RBL1: variants seen among roughly 807,000 people sequenced by gnomAD.
RBL1 encodes retinoblastoma-like protein 1.
In RBL1, 82 loss-of-function variants were observed where a neutral mutation model predicts 123.0. The ratio of observed to expected loss-of-function variants is 0.67; its 90% CI spans 0.56 to 0.80. RBL1 has a LOEUF of 0.80. Ranked by LOEUF, RBL1 falls within the 30% of genes least tolerant of loss-of-function variation. The pLI is 0.00. For missense variants in RBL1, 1,171 were observed against 1,299.6 expected (o/e 0.90, Z 1.52); for synonymous variants, 405 against 441.3 (o/e 0.92, Z 1.03).
intron 2 of RBL1, among the ~76,000 whole-genome samples, chr20:37,074,164 G>C (rs181862715): frequency 6.6e-6 from 1 of 151,962 alleles, no homozygotes; most frequent in Non-Finnish European, 1.5e-5. Flanking sequence ...TGTAATGCCA[G>C]CACTTTGGGA....
intron 21 of RBL1, among the ~76,000 whole-genome samples, chr20:36,999,667 T>A (rs904047339): frequency 1.1e-4 from 17 of 151,902 alleles, no homozygotes; most frequent in Middle Eastern, 3.4e-3. Flanking sequence ...GGTTTTCGTA[T>A]TTTTTTGGTG....
chr20:37,038,365 G>A (rs1184093113), intron 14 of RBL1, among the ~76,000 whole-genome samples: 1 of 146,656 alleles, frequency 6.8e-6, no homozygotes, highest in African/African-American at 2.5e-5. Flanking sequence ...GCAATGGCAC[G>A]ATCTTTGCTC....
At chr20:37,055,009 T>G (rs1451500570) in intron 11 of RBL1, among the ~76,000 whole-genome samples, 1 of 152,122 alleles carries the variant, frequency 6.6e-6, no homozygotes, top group East Asian at 1.9e-4. Flanking sequence ...GCAGCATCCT[T>G]AAGACATCAA....
intron 11 of RBL1, among the ~76,000 whole-genome samples, chr20:37,050,123 C>A (rs554023025): frequency 6.7e-6 from 1 of 149,762 alleles, no homozygotes; most frequent in Non-Finnish European, 1.5e-5. Flanking sequence ...GAAACAGAGA[C>A]GAAGCAGTCA....
At chr20:37,051,814 TA>T (rs2064918703) in intron 11 of RBL1, among the ~76,000 whole-genome samples, 2 of 150,976 alleles carry the variant, frequency 1.3e-5, no homozygotes, top group South Asian at 4.2e-4. Flanking sequence ...ATTTACTAAT[TA>T]AATGACAGAG....
chr20:37,004,241 C>T (rs2064034462), intron 20 of RBL1, among the ~76,000 whole-genome samples: 2 of 151,430 alleles, frequency 1.3e-5, no homozygotes, highest in Non-Finnish European at 2.9e-5. Context: ...AGGCATGTGC[C>T]ACCACGCCCG....
At chr20:37,081,873 TGAGAG>T in intron 2 of RBL1, 1 of 373,546 alleles carries the variant, frequency 2.7e-6, no homozygotes, top group Non-Finnish European at 5.3e-6. Flanking sequence ...ATTTGAAATC[TGAGAG>T]GAGACTCACC....
At chr20:37,001,511 TG>T (rs2063980139) in intron 21 of RBL1, among the ~76,000 whole-genome samples, 1 of 151,788 alleles carries the variant, frequency 6.6e-6, no homozygotes, top group African/African-American at 2.4e-5. Flanking sequence ...CAGGGTTGAA[TG>T]GATTAAGGGT....
intron 7 of RBL1, 117 bp downstream of exon 7, chr20:37,065,307 A>G: frequency 1.5e-6 from 1 of 671,940 alleles, no homozygotes; most frequent in Non-Finnish European, 2.5e-6. Context: ...ACTAAAGCAG[A>G]GAGAACTTGA....
chr20:37,062,415 G>A (rs927749360), intron 7 of RBL1, 145 bp from the exon 8 acceptor site: 3 of 1,371,054 alleles, frequency 2.2e-6, no homozygotes, highest in Non-Finnish European at 2.9e-6. Flanking sequence ...ATATCAGAGG[G>A]TCCTACCTGA....
intron 2 of RBL1, among the ~76,000 whole-genome samples, chr20:37,072,392 C>CGGGAGGTGGAAGTTGCG (rs374934713): frequency 6.4e-4 from 98 of 152,076 alleles, no homozygotes; most frequent in East Asian, 3.5e-3. Flanking sequence ...TGCTTGAACC[C>CGGGAGGTGGAAGTTGCG]GGGAGGTGGA....
Position 37,037,986 on chromosome 20 carries a change from TTG to T in RBL1, c.1903+2165_1903+2166del, listed in dbSNP as rs2064650458. On this transcript the variant is annotated intron_variant, in intron 14 of 21. Transcript: ENST00000373664. ...GGGTGTAAGCCACTGCGCCCGGCCA[TTG>T]TTTTTTTTTTTTTTTTTTTTTTGAG... 2.2e-5 allele frequency among the ~76,000 whole-genome samples: 3 copies of T among 134,882 alleles called. No individual in the cohort carries two copies. The South Asian group carries it at 6.9e-4, about 31-fold the overall frequency. The allele number at this position is 134,882 out of a possible 152,430, so 88.5% of individuals were successfully genotyped here.
chr20:37,094,779 G>GA (rs1323736917), intron 1 of RBL1, among the ~76,000 whole-genome samples: 1 of 152,174 alleles, frequency 6.6e-6, no homozygotes, highest in Non-Finnish European at 1.5e-5. Flanking sequence ...TAGATTACAG[G>GA]CAGGCGCCAC....
intron 2 of RBL1, among the ~76,000 whole-genome samples, chr20:37,071,974 A>G (rs938092337): frequency 3.3e-5 from 5 of 152,146 alleles, no homozygotes; most frequent in African/African-American, 1.2e-4. Context: ...TTTTTTAAAT[A>G]AGTCACCCAA....
At chr20:37,034,775 C>A (rs1025347668) in intron 15 of RBL1, among the ~76,000 whole-genome samples, 2 of 151,130 alleles carry the variant, frequency 1.3e-5, no homozygotes, top group African/African-American at 2.4e-5. Flanking sequence ...AAAAAAAAAA[C>A]CACTATAGGT....
intron 12 of RBL1, among the ~76,000 whole-genome samples, chr20:37,044,756 A>G (rs1201265431): frequency 6.6e-6 from 1 of 152,218 alleles, no homozygotes; most frequent in Admixed American, 6.5e-5. Context: ...ATGTTCACAT[A>G]TATTTCTGTT....
At chr20:37,031,070 T>C (rs1211815942) in intron 16 of RBL1, among the ~76,000 whole-genome samples, 1 of 151,772 alleles carries the variant, frequency 6.6e-6, no homozygotes, top group Non-Finnish European at 1.5e-5. Flanking sequence ...ATAATAAATA[T>C]AAGAGCTAAA....
At chr20:37,015,364 G>A (rs148831400) in intron 19 of RBL1, among the ~76,000 whole-genome samples, 215 of 151,706 alleles carry the variant, frequency 1.4e-3, no homozygotes, top group Non-Finnish European at 2.5e-3. Flanking sequence ...TGGTTTTGTA[G>A]GAACAGAAAA....
intron 2 of RBL1, 130 bp from the exon 3 acceptor site, chr20:37,068,316 AC>A: frequency 7.6e-7 from 1 of 1,319,834 alleles, no homozygotes; most frequent in Non-Finnish European, 1.0e-6. Flanking sequence ...CATAGTTAAG[AC>A]CCCATCTCTA....
Sources: gnomAD v4.1 joint callset for allele counts (sites outside exome capture counted in the v4.1 genomes callset) on GRCh38, gnomAD v4.1.1 for gene constraint, MANE v1.5 for transcripts, NCBI Gene and HGNC (gene_info 2026-07-23, HGNC 2026-07-21) for gene names.